Variants in LRP8 observed in about 807,000 individuals in gnomAD.
The protein encoded by LRP8 is low-density lipoprotein receptor-related protein 8.
Under a neutral mutation model 111.6 loss-of-function variants are expected in LRP8, and 46 were observed. That is an observed-to-expected ratio of 0.41 (90% CI 0.33 to 0.53). The LOEUF is 0.53. LRP8 is among the 20% of genes least tolerant of loss of function. The pLI, the probability that LRP8 is intolerant of heterozygous loss-of-function variation, is 0.20. For missense variants in LRP8, 959 were observed against 1,297.4 expected (o/e 0.74, Z 4.01); for synonymous variants, 464 against 511.2 (o/e 0.91, Z 1.24).
At chr1:53,256,647 G>T (rs1002558403) in intron 15 of LRP8, among the ~76,000 whole-genome samples, 1 of 152,208 alleles carries the variant, frequency 6.6e-6, no homozygotes, top group African/African-American at 2.4e-5. Flanking sequence ...AATTAAAAAG[G>T]TATTTGCTGA....
intron 16 of LRP8, 126 bp downstream of exon 16, chr1:53,254,991 G>A: frequency 1.0e-6 from 1 of 970,890 alleles, no homozygotes; most frequent in Non-Finnish European, 1.6e-6. Flanking sequence ...ACTGGGAGGT[G>A]GGCAGGAAGG....
intron 3 of LRP8, among the ~76,000 whole-genome samples, chr1:53,286,808 T>C (rs1221426475): frequency 6.6e-6 from 1 of 152,234 alleles, no homozygotes; most frequent in African/African-American, 2.4e-5. Context: ...TCTAACATCT[T>C]AATATCTAAC....
rs1646383416 is a variant in LRP8 at position 53,262,560 on chromosome 1, T to G, written c.1660A>C (p.Met554Leu). The G allele has an allele frequency of 6.2e-7, 1 of 1,613,846 alleles. No individual in the cohort carries two copies. ...TGGTCCCCCCAGTCAGACCAATACA[T>G]GAACCTAAAAGACAAAATAACCCAA... ...AIAVDPLRGF[M>L]YWSDWGDQAK... The change falls in exon 11 of 19, where the codon ATG (methionine) becomes CTG (leucine). Residue 554 changes from methionine to leucine, a missense_variant. Physicochemically the swap from Met to Leu is conservative, Grantham distance 15. Coordinates refer to ENST00000306052, the MANE Select transcript of LRP8 (RefSeq NM_004631.5). This position sits in a 1 kb window ranked among gnomAD's most constrained non-coding sequence, Gnocchi z 4.8.
Position 53,264,376 on chromosome 1 carries a change from C to T in LRP8, c.1448G>A (p.Ser483Asn). 6.2e-7 allele frequency: 1 copy of T among 1,613,918 alleles called. No homozygotes were observed. The highest frequency in any genetic ancestry group is 8.5e-7 in the Non-Finnish European group (1 of 1,179,894). ...KIYSAYMDKA[S>N]DPKEQEVLID... ...GAGGACCTCCTGCTCTTTCGGGTCA[C>T]TGGCCTTGTCCATGTAGGCGCTTAA... Residue 483 changes from serine (S) to asparagine (N), a missense_variant, in exon 10 of 19, where the codon AGT (serine) becomes AAT (asparagine). Physicochemically the swap from Ser to Asn is conservative, Grantham distance 46. Transcript: ENST00000306052.
intron 2 of LRP8, among the ~76,000 whole-genome samples, chr1:53,309,006 G>C (rs1557854529): frequency 6.6e-6 from 1 of 152,194 alleles, no homozygotes; most frequent in Non-Finnish European, 1.5e-5. Context: ...CGGGCACGGT[G>C]GCTCACACCT....
At chr1:53,283,495 A>G (rs71654993) in intron 3 of LRP8, among the ~76,000 whole-genome samples, 16 of 98,122 alleles carry the variant, frequency 1.6e-4, no homozygotes, top group East Asian at 6.0e-4. Flanking sequence ...TACCCGGGCC[A>G]CTTACTTACT....
chr1:53,285,417 G>C (rs1162177107), intron 3 of LRP8, among the ~76,000 whole-genome samples: 1 of 152,128 alleles, frequency 6.6e-6, no homozygotes, highest in Admixed American at 6.5e-5. Context: ...GCATGATGTA[G>C]GAGAAAGAGC....
chr1:53,309,498 T>C (rs953888743), intron 2 of LRP8, among the ~76,000 whole-genome samples: 7 of 152,094 alleles, frequency 4.6e-5, no homozygotes, highest in African/African-American at 1.7e-4. Flanking sequence ...ACATGCTGTG[T>C]GACGTTGGGG....
intron 6 of LRP8, among the ~76,000 whole-genome samples, chr1:53,274,382 A>T (rs1288984642): frequency 6.6e-6 from 1 of 152,218 alleles, no homozygotes; most frequent in Non-Finnish European, 1.5e-5. Flanking sequence ...CAGGGGAGGA[A>T]CACCGAGGAA....
At chr1:53,305,856 C>A (rs572504714) in intron 2 of LRP8, 1 of 152,348 alleles carries the variant, frequency 6.6e-6, no homozygotes, top group South Asian at 2.1e-4. Flanking sequence ...ACAGGAGAGG[C>A]GCTGAGGAGG....
At chr1:53,260,227 T>G (rs549838288) in intron 13 of LRP8, among the ~76,000 whole-genome samples, 2 of 152,350 alleles carry the variant, frequency 1.3e-5, no homozygotes, top group East Asian at 3.9e-4. Context: ...TTTGTAGGAT[T>G]GGCAAAAACA....
chr1:53,327,063 C>A, intron 1 of LRP8, 71 bp from the exon 2 acceptor site: 1 of 1,570,012 alleles, frequency 6.4e-7, no homozygotes, highest in Non-Finnish European at 8.6e-7. Flanking sequence ...GTCCGGGCCA[C>A]CCGGAAGGAC....
chr1:53,316,535 T>TGG (rs1653829981), intron 2 of LRP8, among the ~76,000 whole-genome samples: 1 of 151,788 alleles, frequency 6.6e-6, no homozygotes, highest in Non-Finnish European at 1.5e-5. Flanking sequence ...TCACAGCCCC[T>TGG]GCCCCCATGC....
At chr1:53,290,961 A>G (rs1196023124) in intron 2 of LRP8, among the ~76,000 whole-genome samples, 1 of 152,170 alleles carries the variant, frequency 6.6e-6, no homozygotes, top group Non-Finnish European at 1.5e-5. Context: ...TCAAATCTGC[A>G]TTGAACTCAC....
At position 53,271,156 on chromosome 1, in the gene LRP8, G is replaced by A; in HGVS notation, c.1127-3C>T. 2.5e-6 allele frequency: 4 copies of A among 1,614,040 alleles called. No homozygotes were observed. Among genetic ancestry groups the A allele is most frequent in the Non-Finnish European group, 3.4e-6 (4 of 1,180,014 alleles). ...TGGGTCCTTGCACTCATCAATGTCT[G>A]TGGGGAGGAGCAGGAGTCAGAACCA... On this transcript the variant is annotated splice_region_variant and splice_polypyrimidine_tract_variant and intron_variant, in intron 7 of 18. Coordinates refer to ENST00000306052, the MANE Select transcript of LRP8 (RefSeq NM_004631.5).
intron 18 of LRP8, among the ~76,000 whole-genome samples, chr1:53,247,753 T>C (rs1039283970): frequency 7.9e-5 from 12 of 152,242 alleles, no homozygotes; most frequent in African/African-American, 2.9e-4. Flanking sequence ...CATTCCCTGA[T>C]TCCATCTCAG....
chr1:53,262,375 C>T lies in LRP8; in HGVS notation c.1774+71G>A. Reference sequence around the variant, plus strand: ...CATGAGAGGACCCAGAAACAAGACTCATGGAGTTCCAGACAGTGATCAGGA... The same window carrying T: ...CATGAGAGGACCCAGAAACAAGACTTATGGAGTTCCAGACAGTGATCAGGA... On this transcript the variant is annotated intron_variant, in intron 11 of 18. Coordinates refer to ENST00000306052, the MANE Select transcript of LRP8 (RefSeq NM_004631.5). The surrounding 1 kb of genome is among the most constrained non-coding windows in gnomAD (Gnocchi z 4.8). 1.3e-6 allele frequency: 2 copies of T among 1,537,132 alleles called. No homozygotes were observed. Among genetic ancestry groups the T allele is most frequent in the Non-Finnish European group, 1.8e-6 (2 of 1,114,086 alleles).
chr1:53,277,443 CTGG>C (rs752217097), intron 4 of LRP8, among the ~76,000 whole-genome samples: 118 of 152,288 alleles, frequency 7.7e-4, no homozygotes, highest in Non-Finnish European at 1.2e-3. Context: ...GGACCAGGGT[CTGG>C]GGTTGGCTCC....
rs992802065 is a variant in LRP8, at chr1:53,250,888, A to G, written c.2504-26T>C. On this transcript the variant is annotated intron_variant, in intron 16 of 18. Transcript: ENST00000306052. The surrounding 1 kb of genome is among the most constrained non-coding windows in gnomAD (Gnocchi z 4.6). ...CTGGAGGAAGGACACAGGACACTGG[A>G]CCTCCAGCAGGCTCCAACCCACTGC... 4 of 1,610,682 alleles carry G rather than the reference A, an allele frequency of 2.5e-6. No individual in the cohort carries two copies. Among genetic ancestry groups the G allele is most frequent in the East Asian group, 2.2e-5 (1 of 44,868 alleles).
Sources: allele counts gnomAD v4.1 joint callset (sites outside exome capture counted in the v4.1 genomes callset), GRCh38; gene constraint gnomAD v4.1.1; non-coding constraint Gnocchi (gnomAD v3.1); transcripts MANE v1.5; gene names NCBI Gene and HGNC (gene_info 2026-07-23, HGNC 2026-07-21).